LRP1B: variants seen among roughly 807,000 people sequenced by gnomAD.
LRP1B encodes the protein low-density lipoprotein receptor-related protein 1B.
A neutral mutation model predicts 556.6 loss-of-function variants in LRP1B; 217 were observed. The observed-to-expected ratio is 0.39, with a 90% CI of 0.35 to 0.44. LRP1B has a LOEUF of 0.44. LRP1B is among the 20% of genes least tolerant of loss of function. The probability of loss-of-function intolerance (pLI) is 1.00; values close to 1 mark genes in which losing one functional copy is unlikely to be tolerated. For missense variants in LRP1B, 5,053 were observed against 5,620.8 expected, an observed-to-expected ratio of 0.90 and a Z score of 3.23; for synonymous variants, 2,047 against 1,865.8, an observed-to-expected ratio of 1.10 and a Z score of -2.50.
chr2:140,494,838 G>A (rs754449347), intron 56 of LRP1B, among the ~76,000 whole-genome samples: 2 of 150,238 alleles, frequency 1.3e-5, no homozygotes, highest in Non-Finnish European at 3.0e-5. Flanking sequence ...TGCCACTGAC[G>A]AACATCTATT....
chr2:140,507,255 A>T (rs1444906872), intron 52 of LRP1B, among the ~76,000 whole-genome samples: 1 of 152,164 alleles, frequency 6.6e-6, no homozygotes, highest in Non-Finnish European at 1.5e-5. Context: ...AGCTAATAAT[A>T]TTCTAGGCTT....
chr2:141,846,292 A>G (rs1697641681), intron 1 of LRP1B, among the ~76,000 whole-genome samples: 1 of 151,718 alleles, frequency 6.6e-6, no homozygotes. Flanking sequence ...GCTAAAATTG[A>G]TAACTTTCTG....
At chr2:141,065,173 G>T (rs1699445571) in intron 7 of LRP1B, among the ~76,000 whole-genome samples, 2 of 151,820 alleles carry the variant, frequency 1.3e-5, no homozygotes, top group Admixed American at 6.6e-5. Flanking sequence ...AGATTCACCA[G>T]TTGTTTACAT....
intron 1 of LRP1B, among the ~76,000 whole-genome samples, chr2:142,017,980 T>A (rs1703206462): frequency 6.7e-6 from 1 of 150,254 alleles, no homozygotes; most frequent in Non-Finnish European, 1.5e-5. Flanking sequence ...GGTGTTTCCA[T>A]AATAATCTCA....
At chr2:141,551,286 CT>C (rs922860852) in intron 2 of LRP1B, among the ~76,000 whole-genome samples, 8 of 150,524 alleles carry the variant, frequency 5.3e-5, no homozygotes, top group East Asian at 2.0e-4. Context: ...AGTTTGTTTG[CT>C]TTTTTTTAAT....
At chr2:141,360,891 C>A (rs1370912720) in intron 3 of LRP1B, among the ~76,000 whole-genome samples, 2 of 152,290 alleles carry the variant, frequency 1.3e-5, no homozygotes. Context: ...AATTTGTTCA[C>A]TTAGCAAATG....
intron 3 of LRP1B, among the ~76,000 whole-genome samples, chr2:141,451,624 G>A (rs1238480759): frequency 1.3e-5 from 2 of 151,820 alleles, no homozygotes; most frequent in African/African-American, 4.8e-5. Flanking sequence ...GAAGTTATAC[G>A]TTATAAAAAA....
At chr2:142,049,608 C>T (rs1158700487) in intron 1 of LRP1B, among the ~76,000 whole-genome samples, 2 of 152,222 alleles carry the variant, frequency 1.3e-5, no homozygotes, top group Middle Eastern at 3.4e-3. Flanking sequence ...TTTCTTCCTT[C>T]TTTTAATTAT....
intron 1 of LRP1B, among the ~76,000 whole-genome samples, chr2:141,934,047 AAG>A (rs1191644691): frequency 6.6e-6 from 1 of 152,162 alleles, no homozygotes; most frequent in Non-Finnish European, 1.5e-5. Context: ...AAATAAACAA[AAG>A]AGAATAAAAA....
At chr2:140,281,537 T>C (rs1682912847) in intron 84 of LRP1B, among the ~76,000 whole-genome samples, 1 of 151,842 alleles carries the variant, frequency 6.6e-6, no homozygotes. Context: ...ATATGAGAAT[T>C]AGACATTAAT....
chr2:140,302,259 T>C (rs1370451300), intron 83 of LRP1B, among the ~76,000 whole-genome samples: 1 of 152,196 alleles, frequency 6.6e-6, no homozygotes, highest in Non-Finnish European at 1.5e-5. Flanking sequence ...CCCAATTTTC[T>C]GATTCTGGGC....
chr2:141,351,279 T>C lies in LRP1B; in HGVS notation c.344-96638A>G, dbSNP rs535712948. On this transcript the variant is annotated intron_variant, in intron 3 of 90. Coordinates refer to ENST00000389484, the MANE Select transcript of LRP1B (RefSeq NM_018557.3). ...GTATTTCTGAATTGAATTTTTCTTATATATAAATTACAGTGTCTAAGATTT... is the reference window on the plus strand; with the variant it reads ...GTATTTCTGAATTGAATTTTTCTTACATATAAATTACAGTGTCTAAGATTT... 1.3e-4 allele frequency among the ~76,000 whole-genome samples: 20 copies of C among 152,214 alleles called. No individual in the cohort carries two copies. In the South Asian group the frequency reaches 3.9e-3, roughly 30 times the overall value.
chr2:140,571,533 C>G (rs1681321075), intron 43 of LRP1B, among the ~76,000 whole-genome samples: 1 of 151,632 alleles, frequency 6.6e-6, no homozygotes, highest in Non-Finnish European at 1.5e-5. Context: ...GGAAAGACAT[C>G]CCATGTCTAT....
rs1380845985 is a variant in LRP1B at position 140,850,082 on chromosome 2, A to C, written c.4939+20T>G. 9.0e-6 allele frequency: 13 copies of C among 1,440,172 alleles called. No individual in the cohort carries two copies. The highest frequency in any genetic ancestry group is 1.4e-5 in the African/African-American group (1 of 71,044). The allele number at this position is 1,440,172 out of a possible 1,614,324, so 89.2% of individuals were successfully genotyped here. A position where few individuals can be genotyped will look rare whatever the true frequency, so the allele number is the denominator to read the frequency against. On this transcript the variant is annotated intron_variant, in intron 29 of 90. Transcript: ENST00000389484. ...GAATAACAAACACTTTTAAAGTTGT[A>C]ACATGTACGAATCTTTTACCTCTTG...
At chr2:140,736,887 C>T (rs1236392894) in intron 35 of LRP1B, among the ~76,000 whole-genome samples, 1 of 152,056 alleles carries the variant, frequency 6.6e-6, no homozygotes, top group Non-Finnish European at 1.5e-5. Flanking sequence ...TGCTTACCTG[C>T]CAGAAACCAA....
chr2:142,054,296 A>C (rs1005378537), intron 1 of LRP1B, among the ~76,000 whole-genome samples: 3 of 152,100 alleles, frequency 2.0e-5, no homozygotes, highest in African/African-American at 7.2e-5. Flanking sequence ...CTTAGAGTGG[A>C]TAGAGTACAA....
chr2:142,057,404 T>G (rs552441575), intron 1 of LRP1B, among the ~76,000 whole-genome samples: 1 of 152,238 alleles, frequency 6.6e-6, no homozygotes, highest in South Asian at 2.1e-4. Flanking sequence ...CAAACTCTCT[T>G]ATGTGCAAGA....
chr2:141,950,393 A>G (rs1221409414), intron 1 of LRP1B, among the ~76,000 whole-genome samples: 2 of 152,178 alleles, frequency 1.3e-5, no homozygotes, highest in Non-Finnish European at 2.9e-5. Flanking sequence ...AGGTAACTCA[A>G]TCTAGTCTAT....
intron 82 of LRP1B, among the ~76,000 whole-genome samples, chr2:140,317,402 A>G (rs1183890919): frequency 1.3e-5 from 2 of 152,094 alleles, no homozygotes; most frequent in African/African-American, 2.4e-5. Flanking sequence ...AAATCACAGC[A>G]GTGTTATGTA....
Sources: gnomAD v4.1 joint callset for allele counts (sites outside exome capture counted in the v4.1 genomes callset) on GRCh38, gnomAD v4.1.1 for gene constraint, MANE v1.5 for transcripts, NCBI Gene and HGNC (gene_info 2026-07-23, HGNC 2026-07-21) for gene names.